C5orf22: variants seen among roughly 807,000 people sequenced by gnomAD.
C5orf22 encodes the protein UPF0489 protein C5orf22.
Under a neutral mutation model 48.7 loss-of-function variants are expected in C5orf22, and 36 were observed. That is an observed-to-expected ratio of 0.74 (90% CI 0.57 to 0.98). The LOEUF (loss-of-function observed/expected upper bound fraction) is 0.98, where lower values mean the gene tolerates loss of function less well. Among genes scored for constraint, C5orf22 ranks in the 50% least tolerant of loss-of-function variants. The pLI is 0.00. For synonymous variants in C5orf22, 141 were observed against 180.8 expected, an observed-to-expected ratio of 0.78 and a Z score of 1.76; for missense variants, 486 against 521.9, an observed-to-expected ratio of 0.93 and a Z score of 0.67.
In C5orf22 at chr5:31,545,250, G is replaced by T. The variant is rs543787289; in HGVS notation, c.993-396G>T. On this transcript the variant is annotated intron_variant, in intron 6 of 8. Transcript: ENST00000325366. ...ATTTTGTATTTTTAGTCGAGACAGG[G>T]TTTCACCACATTGGCCAGGCTGGTC... 9.2e-5 allele frequency among the ~76,000 whole-genome samples: 14 copies of T among 151,962 alleles called. No individual in the cohort carries two copies. In the South Asian group the frequency reaches 1.7e-3, roughly 18 times the overall value.
intron 6 of C5orf22, among the ~76,000 whole-genome samples, chr5:31,544,924 T>C (rs1742753853): frequency 6.6e-6 from 1 of 151,636 alleles, no homozygotes; most frequent in Admixed American, 6.6e-5. Context: ...GGTAGTGAGA[T>C]CCTGTCTCAA....
chr5:31,543,472 A>G (rs902253788), intron 6 of C5orf22, among the ~76,000 whole-genome samples: 3 of 152,156 alleles, frequency 2.0e-5, no homozygotes, highest in Non-Finnish European at 4.4e-5. Flanking sequence ...TGGGAGGCTG[A>G]GGTGGGAGGA....
chr5:31,537,902 CCCCTGT>C (rs1229454110), intron 3 of C5orf22, among the ~76,000 whole-genome samples: 1 of 152,218 alleles, frequency 6.6e-6, no homozygotes, highest in Non-Finnish European at 1.5e-5. Context: ...TAGAATATTG[CCCCTGT>C]CCTTATAGTC....
intron 3 of C5orf22, among the ~76,000 whole-genome samples, chr5:31,536,533 CA>C (rs1237945949): frequency 6.6e-6 from 1 of 151,550 alleles, no homozygotes; most frequent in Non-Finnish European, 1.5e-5. Flanking sequence ...AAAAACAAAA[CA>C]AAAAACAAAC....
In C5orf22 at chr5:31,553,350, T is replaced by C. The variant is rs1038103415; in HGVS notation, c.*448T>C. On this transcript the variant is annotated 3_prime_UTR_variant, in exon 9 of 9. Transcript: ENST00000325366. The stretch of plus-strand genomic sequence containing the variant: ...CCCCTGCCCTTTTAGGGGAGACAGA[T>C]GAGAAGTAAATTACGGGTTATGAGA... 3.3e-5 allele frequency: 5 copies of C among 153,754 alleles called. No individual in the cohort carries two copies. The highest frequency in any genetic ancestry group is 1.9e-4 in the East Asian group (1 of 5,244). 9.5% of individuals were successfully genotyped at this position (153,754 alleles called of 1,614,324 possible).
At chr5:31,547,231 A>G (rs1742948555) in intron 7 of C5orf22, among the ~76,000 whole-genome samples, 1 of 152,272 alleles carries the variant, frequency 6.6e-6, no homozygotes. Flanking sequence ...CTGATGCAAG[A>G]GGTGGGTTCG....
chr5:31,547,971 A>G (rs1442982473), intron 7 of C5orf22, among the ~76,000 whole-genome samples: 2 of 152,148 alleles, frequency 1.3e-5, no homozygotes, highest in Admixed American at 6.6e-5. Context: ...TCAGGCTGCA[A>G]ATTTTCCAAA....
At chr5:31,533,333 C>G (rs772968795) in intron 1 of C5orf22, among the ~76,000 whole-genome samples, 1 of 152,128 alleles carries the variant, frequency 6.6e-6, no homozygotes, top group African/African-American at 2.4e-5. Flanking sequence ...ATGTTTATGG[C>G]CGTGCTGATT....
chr5:31,539,834 G>A (rs1428134852), intron 4 of C5orf22, among the ~76,000 whole-genome samples: 1 of 152,026 alleles, frequency 6.6e-6, no homozygotes, highest in Non-Finnish European at 1.5e-5. Flanking sequence ...CTTGAGCCAA[G>A]GAGTTTGAGA....
At chr5:31,549,865 G>T (rs1292950240) in intron 7 of C5orf22, among the ~76,000 whole-genome samples, 3 of 152,182 alleles carry the variant, frequency 2.0e-5, no homozygotes, top group Admixed American at 6.5e-5. Context: ...GTGAGACTTT[G>T]TGTCAAATTT....
At position 31,540,932 on chromosome 5, in the gene C5orf22, T is replaced by C; in HGVS notation, c.808-17T>C. The C allele has an allele frequency of 6.3e-7, 1 of 1,594,506 alleles. No homozygotes were observed. Among genetic ancestry groups the C allele is most frequent in the Non-Finnish European group, 8.5e-7 (1 of 1,169,844 alleles). Reference sequence around the variant, plus strand: ...TTTTTTTTTTCTGGTATGTGGATTTTTTGTTTTGTTTTCCAGGAAGAGTAC... The same window carrying C: ...TTTTTTTTTTCTGGTATGTGGATTTCTTGTTTTGTTTTCCAGGAAGAGTAC... On this transcript the variant is annotated splice_polypyrimidine_tract_variant and intron_variant, in intron 4 of 8. Transcript: ENST00000325366.
At position 31,553,034 on chromosome 5, in the gene C5orf22, A is replaced by C. The variant is rs1419244097; in HGVS notation, c.*132A>C. The C allele has an allele frequency of 9.1e-6, 8 of 874,698 alleles. 1 individual carries two copies. Among genetic ancestry groups the C allele is most frequent in the Non-Finnish European group, 1.0e-5 (6 of 602,992 alleles). 54.2% of individuals were successfully genotyped at this position (874,698 alleles called of 1,614,324 possible). On this transcript the variant is annotated 3_prime_UTR_variant, in exon 9 of 9. Transcript: ENST00000325366. ...CAGTTGAAATCTTTCAGATATTTTG[A>C]ATCTCTGAACAACCATTGTCAGTTG...
At position 31,543,439 on chromosome 5, in the gene C5orf22, A is replaced by G. The variant is rs554023102; in HGVS notation, c.992+2037A>G. Among the ~76,000 whole-genome samples, 16 of 152,184 alleles carry G rather than the reference A, an allele frequency of 1.1e-4. No homozygotes were observed. The East Asian group carries it at 1.9e-3, about 18-fold the overall frequency. On this transcript the variant is annotated intron_variant, in intron 6 of 8. Transcript: ENST00000325366. ...CAAAAAATTAGCCAGGCATGGTGGC[A>G]TGCACCTGCGGCCCCAGCTACTTGG...
At chr5:31,548,408 A>G (rs1300801129) in intron 7 of C5orf22, 1 of 248,876 alleles carries the variant, frequency 4.0e-6, no homozygotes, top group African/African-American at 2.3e-5. Flanking sequence ...TCTCAACTTC[A>G]AAGTTCCACA....
rs548379669 is a variant in C5orf22, at chr5:31,538,636, A to G, written c.754A>G (p.Ile252Val). The change falls in exon 4 of 9, where the codon ATT becomes GTT. Residue 252 changes from isoleucine to valine, a missense_variant. By Grantham distance (29) the Ile-to-Val change is conservative. This residue lies in a region of C5orf22 where 408 missense variants were observed against 444.0 expected (regional missense o/e 0.92). Coordinates refer to ENST00000325366, the MANE Select transcript of C5orf22 (RefSeq NM_018356.3). ...GAAAGGGAAGGCATTTGTTTTAGAT[A>G]TTGACTTGGATTTTTTTTCAGTCAA... ...LKKGKAFVLD[I>V]DLDFFSVKNP... 7 of 1,613,656 alleles carry G rather than the reference A, an allele frequency of 4.3e-6. No individual in the cohort carries two copies. The Admixed American group carries it at 6.7e-5, about 15-fold the overall frequency.
intron 4 of C5orf22, among the ~76,000 whole-genome samples, chr5:31,539,677 A>C (rs1993949): frequency 0.83 from 126,551 of 152,124 alleles, 53,264 homozygotes; most frequent in African/African-American, 0.96. Flanking sequence ...GCATATATTA[A>C]ACTTTATTAT....
chr5:31,532,965 TC>T (rs1241699574), intron 1 of C5orf22, among the ~76,000 whole-genome samples: 1 of 152,110 alleles, frequency 6.6e-6, no homozygotes, highest in African/African-American at 2.4e-5. Context: ...CTTTTTTTTT[TC>T]TTTTTTGAGA....
chr5:31,538,646 A>AT lies in C5orf22; in HGVS notation c.772dup (p.Ser258PhefsTer25), dbSNP rs751259551. 6.2e-7 allele frequency: 1 copy of AT among 1,613,224 alleles called. No homozygotes were observed. The highest frequency in any genetic ancestry group is 8.5e-7 in the Non-Finnish European group (1 of 1,179,532). ...GCATTTGTTTTAGATATTGACTTGG[A>AT]TTTTTTTTCAGTCAAGAATCCCTTC... On this transcript the variant is annotated frameshift_variant, in exon 4 of 9. Coordinates refer to ENST00000325366, the MANE Select transcript of C5orf22 (RefSeq NM_018356.3). LOFTEE classifies it high-confidence loss of function.
chr5:31,537,856 A>T (rs1260347583), intron 3 of C5orf22, among the ~76,000 whole-genome samples: 2 of 152,174 alleles, frequency 1.3e-5, no homozygotes, highest in African/African-American at 4.8e-5. Flanking sequence ...AGTTTGGGGA[A>T]CCCTAGTTCC....
Sources: allele counts gnomAD v4.1 joint callset (sites outside exome capture counted in the v4.1 genomes callset), GRCh38; gene constraint gnomAD v4.1.1; regional missense constraint gnomAD v4.1.1; transcripts MANE v1.5; gene names NCBI Gene and HGNC (gene_info 2026-07-23, HGNC 2026-07-21).